The following HAGH variants were observed in gnomAD, a reference collection of about 807,000 sequenced individuals.
HAGH encodes the protein hydroxyacylglutathione hydrolase, mitochondrial.
A neutral mutation model predicts 35.1 loss-of-function variants in HAGH; 29 were observed. The observed-to-expected ratio is 0.83, with a 90% CI of 0.62 to 1.13. The LOEUF (loss-of-function observed/expected upper bound fraction) is 1.13, where lower values mean the gene tolerates loss of function less well. Among genes scored for constraint, HAGH ranks in the 50% most tolerant of loss-of-function variants. HAGH has a pLI of 0.00. For missense variants in HAGH, 478 were observed against 419.6 expected (o/e 1.14, Z -1.22); for synonymous variants, 225 against 176.1 (o/e 1.28, Z -2.20).
rs17849371 is a variant in HAGH, at chr16:1,819,906, G to A, written c.423C>T (p.Ser141=). ...GALTHKITHL[S]TLQVGSLNVK... ...AGGGCTCACTCCTTACCTGCAGTGT[G>A]GACAGGTGAGTGATCTTGTGAGTCA... The change falls in exon 4 of 9, where the codon TCC becomes TCT. Residue 141 remains serine (S), a synonymous_variant. Coordinates refer to ENST00000397356, the MANE Select transcript of HAGH (RefSeq NM_005326.6). 11,433 of 1,596,774 alleles carry A rather than the reference G, an allele frequency of 7.2e-3. 603 individuals carry two copies. In the African/African-American group the frequency reaches 0.12, roughly 17 times the overall value.
At chr16:1,824,947 A>G (rs1596944630) in intron 1 of HAGH, among the ~76,000 whole-genome samples, 1 of 134,664 alleles carries the variant, frequency 7.4e-6, no homozygotes, top group African/African-American at 2.7e-5. Flanking sequence ...GGGGTGCAGA[A>G]GGGTTGTGAC....
rs758599116 is a variant in HAGH, at chr16:1,809,465, C to A, written c.828-83G>T. The A allele has an allele frequency of 2.6e-6, 3 of 1,165,562 alleles. No individual in the cohort carries two copies. In the South Asian group the frequency reaches 3.7e-5, roughly 15 times the overall value. 72.2% of individuals were successfully genotyped at this position (1,165,562 alleles called of 1,614,324 possible). A position where few individuals can be genotyped will look rare whatever the true frequency, so the allele number is the denominator to read the frequency against. On this transcript the variant is annotated intron_variant, in intron 8 of 8. Transcript: ENST00000397356. ...AGGGCCACTGCAGAGGAAGGCGACTCGTGCTGGCCGAGCCCAGCCCTCAGA... is the reference window on the plus strand; with the variant it reads ...AGGGCCACTGCAGAGGAAGGCGACTAGTGCTGGCCGAGCCCAGCCCTCAGA...
rs757898477 is a variant in HAGH, at chr16:1,822,995, T to C, written c.119A>G (p.Lys40Arg). ...LGVFCHTDLR[K>R]NLTVDEGTMK... The stretch of plus-strand genomic sequence containing the variant: ...GGTGCCCTCGTCCACGGTCAGGTTC[T>C]TCCGCAAATCTGTGTGGCAGAAAAC... The change falls in exon 2 of 9, where the codon AAG becomes AGG. Residue 40 changes from lysine to arginine, a missense_variant. Transcript: ENST00000397356. 9.9e-6 allele frequency: 16 copies of C among 1,613,992 alleles called. No homozygotes were observed. The South Asian group carries it at 1.5e-4, about 16-fold the overall frequency.
At chr16:1,819,399 C>T (rs1249229647) in intron 4 of HAGH, among the ~76,000 whole-genome samples, 176 bp from the exon 5 acceptor site, 1 of 152,232 alleles carries the variant, frequency 6.6e-6, no homozygotes, top group Non-Finnish European at 1.5e-5. Flanking sequence ...TCCATGGGTG[C>T]GCCCCAAGTG....
At chr16:1,820,082 CTGCCTGCTGAGCTGAGG>C in intron 3 of HAGH, 68 bp from the exon 4 acceptor site, 1 of 789,010 alleles carries the variant, frequency 1.3e-6, no homozygotes, top group Non-Finnish European at 2.2e-6. Context: ...GCTGAGGGGG[CTGCCTGCTGAGCTGAGG>C]GGCTGCCTGC....
At chr16:1,818,827 C>T in intron 5 of HAGH, 1 of 424,248 alleles carries the variant, frequency 2.4e-6, no homozygotes, top group South Asian at 2.8e-5. Flanking sequence ...CCTCGCCCTG[C>T]TGGAAGAAAC....
Position 1,819,106 on chromosome 16 carries a change from AAC to A in HAGH, c.541+7_541+8del. On this transcript the variant is annotated splice_region_variant and intron_variant, in intron 5 of 8. Coordinates refer to ENST00000397356, the MANE Select transcript of HAGH (RefSeq NM_005326.6). ...GAACCCCCGCCCCCACCCACACTCG[AAC>A]ACGCACCTGTGAACACGGCAGGGGG... is the stretch of plus-strand genomic sequence containing the variant. 1.3e-6 allele frequency: 2 copies of A among 1,570,050 alleles called. No homozygotes were observed.
chr16:1,809,644 TC>T, intron 8 of HAGH, 109 bp downstream of exon 8: 1 of 833,434 alleles, frequency 1.2e-6, no homozygotes, highest in South Asian at 1.4e-5. Context: ...CTGTGACAGC[TC>T]CCCAAGGCAG....
intron 3 of HAGH, 59 bp from the exon 4 acceptor site, chr16:1,820,073 CTGAGGGGG>C: frequency 1.1e-6 from 1 of 907,078 alleles, no homozygotes; most frequent in Non-Finnish European, 1.8e-6. Flanking sequence ...GCCTGCTGAG[CTGAGGGGG>C]CTGCCTGCTG....
At chr16:1,809,886 A>G (rs916656583) in intron 7 of HAGH, 53 bp from the exon 8 acceptor site, 7 of 1,320,538 alleles carry the variant, frequency 5.3e-6, no homozygotes, top group Middle Eastern at 1.8e-4. Context: ...ATGGCAGACC[A>G]GGCACGGAGG....
intron 2 of HAGH, 94 bp from the exon 3 acceptor site, chr16:1,822,458 C>T (rs8045169): frequency 0.02 from 19,614 of 959,022 alleles, 1,089 homozygotes; most frequent in African/African-American, 0.11. Flanking sequence ...ACCCAGGACA[C>T]GCCATGAGGG....
At chr16:1,809,585 G>T in intron 8 of HAGH, 169 bp downstream of exon 8, 1 of 680,990 alleles carries the variant, frequency 1.5e-6, no homozygotes, top group Non-Finnish European at 2.6e-6. Flanking sequence ...AAGGTGCCAG[G>T]AAAGGCCGGA....
At position 1,807,971 on chromosome 16, in the gene HAGH, G is replaced by C. The variant is rs1897478048; in HGVS notation, c.*1312C>G. 2 of 152,410 alleles carry C rather than the reference G, an allele frequency of 1.3e-5. No homozygotes were observed. The highest frequency in any genetic ancestry group is 1.3e-4 in the Admixed American group (2 of 15,300). The allele number at this position is 152,410 out of a possible 1,614,324, so 9.4% of individuals were successfully genotyped here. A position where few individuals can be genotyped will look rare whatever the true frequency, so the allele number is the denominator to read the frequency against. ...TGTCTATAGGACCAGGTGGCAGAGG[G>C]TGTGGGCCCCACACAGAGTCACCTC... On this transcript the variant is annotated 3_prime_UTR_variant, in exon 9 of 9. Coordinates refer to ENST00000397356, the MANE Select transcript of HAGH (RefSeq NM_005326.6).
chr16:1,824,322 A>C (rs1898298714), intron 1 of HAGH, among the ~76,000 whole-genome samples: 1 of 138,996 alleles, frequency 7.2e-6, no homozygotes, highest in Non-Finnish European at 1.6e-5. Flanking sequence ...GTTGGCCACA[A>C]CTGCCCCCAG....
At chr16:1,820,036 T>C in intron 3 of HAGH, 22 bp from the exon 4 acceptor site, 1 of 1,129,928 alleles carries the variant, frequency 8.9e-7, no homozygotes, top group Non-Finnish European at 1.3e-6. Context: ...ACAGGAGACC[T>C]GGGCTGCCTG....
chr16:1,826,713 G>A lies in HAGH; in HGVS notation c.75C>T (p.Leu25=), dbSNP rs1052029913. The A allele has an allele frequency of 3.0e-5, 33 of 1,111,846 alleles. No homozygotes were observed. The highest frequency in any genetic ancestry group is 3.3e-5 in the Non-Finnish European group (30 of 911,728). 68.9% of individuals were successfully genotyped at this position (1,111,846 alleles called of 1,614,324 possible). ...ALGAACARRG[L]GPALLGVFCH... is the part of the protein sequence containing the mutation. Reference sequence around the variant, plus strand: ...CCCGCACCGCCCCGCCGCACCCACCGAGGCCTCGGCGGGCGCAGGCGGCTC... The same window carrying A: ...CCCGCACCGCCCCGCCGCACCCACCAAGGCCTCGGCGGGCGCAGGCGGCTC... Residue 25 remains leucine, a splice_region_variant and synonymous_variant, in exon 1 of 9, where the codon CTC becomes CTT. Coordinates refer to ENST00000397356, the MANE Select transcript of HAGH (RefSeq NM_005326.6).
intron 7 of HAGH, among the ~76,000 whole-genome samples, chr16:1,816,535 C>T (rs1897901716): frequency 6.6e-6 from 1 of 152,116 alleles, no homozygotes; most frequent in Admixed American, 6.5e-5. Flanking sequence ...GCCATGGAGG[C>T]TCACGTGGGG....
chr16:1,815,611 G>T (rs914361427), intron 7 of HAGH, among the ~76,000 whole-genome samples: 3 of 152,220 alleles, frequency 2.0e-5, no homozygotes, highest in African/African-American at 4.8e-5. Context: ...GACGCCACAT[G>T]GGAGGGACAC....
rs146619106 is a variant in HAGH at position 1,817,814 on chromosome 16, C to T, written c.542-543G>A. On this transcript the variant is annotated intron_variant, in intron 5 of 8. Coordinates refer to ENST00000397356, the MANE Select transcript of HAGH (RefSeq NM_005326.6). The stretch of plus-strand genomic sequence containing the variant: ...CCATCACTGCCCAGGCCTCTGTCCC[C>T]GCTTGCCCTCCTCTTGCTGCTTCGC... Among the ~76,000 whole-genome samples, 601 of 152,344 alleles carry T rather than the reference C, an allele frequency of 3.9e-3. 6 individuals carry two copies. Among genetic ancestry groups the T allele is most frequent in the African/African-American group, 0.013 (561 of 41,576 alleles).
Sources: gnomAD v4.1 joint callset for allele counts (sites outside exome capture counted in the v4.1 genomes callset) on GRCh38, gnomAD v4.1.1 for gene constraint, MANE v1.5 for transcripts, NCBI Gene and HGNC (gene_info 2026-07-23, HGNC 2026-07-21) for gene names.